Variants in SEPTIN11 observed in about 807,000 individuals in gnomAD.
SEPTIN11 encodes the protein septin-11.
A neutral mutation model predicts 51.4 loss-of-function variants in SEPTIN11; 25 were observed. That is an observed-to-expected ratio of 0.49 (90% confidence interval 0.35 to 0.68). The LOEUF is 0.68. Ranked by LOEUF, SEPTIN11 falls within the 30% of genes least tolerant of loss-of-function variation. The pLI, the probability that SEPTIN11 is intolerant of heterozygous loss-of-function variation, is 0.00. For synonymous variants in SEPTIN11, 174 were observed against 184.1 expected (o/e 0.95, Z 0.44); for missense variants, 381 against 520.8 (o/e 0.73, Z 2.61).
In SEPTIN11 at chr4:77,037,714, T is replaced by C; in HGVS notation, c.*3202T>C. 1.0e-6 allele frequency: 1 copy of C among 985,804 alleles called. No homozygotes were observed. The highest frequency in any genetic ancestry group is 1.2e-6 in the Non-Finnish European group (1 of 829,878). The allele number at this position is 985,804 out of a possible 1,614,324, so 61.1% of individuals were successfully genotyped here. A position where few individuals can be genotyped will look rare whatever the true frequency, so the allele number is the denominator to read the frequency against. ...GAACTTTAGATCTCCATAACACATG[T>C]ACTGTAGAATGTGATGGAAAAGCAT... On this transcript the variant is annotated 3_prime_UTR_variant, in exon 10 of 10. Coordinates refer to ENST00000264893, the MANE Select transcript of SEPTIN11 (RefSeq NM_018243.4).
intron 1 of SEPTIN11, among the ~76,000 whole-genome samples, chr4:76,978,127 C>T (rs941912609): frequency 4.6e-5 from 7 of 152,134 alleles, no homozygotes; most frequent in African/African-American, 1.7e-4. Context: ...AGAGTGATTG[C>T]TGTAGGCTGC....
chr4:76,976,752 A>G (rs1312598388), intron 1 of SEPTIN11, among the ~76,000 whole-genome samples: 1 of 152,212 alleles, frequency 6.6e-6, no homozygotes, highest in Non-Finnish European at 1.5e-5. Context: ...AGGCTCTGGC[A>G]GCCTTTAATC....
chr4:76,972,955 A>C (rs956022693), intron 1 of SEPTIN11: 1 of 152,214 alleles, frequency 6.6e-6, no homozygotes, highest in African/African-American at 2.4e-5. Flanking sequence ...CCCAAAGTCC[A>C]CAGCTGGCAA....
At chr4:77,033,449 C>T (rs374665616) in intron 9 of SEPTIN11, among the ~76,000 whole-genome samples, 16 of 152,268 alleles carry the variant, frequency 1.1e-4, no homozygotes, top group Admixed American at 2.6e-4. Context: ...TCTAATGACA[C>T]GCTCCTTTTT....
At chr4:77,028,175 G>A (rs578169676) in intron 7 of SEPTIN11, among the ~76,000 whole-genome samples, 2 of 152,180 alleles carry the variant, frequency 1.3e-5, no homozygotes, top group Non-Finnish European at 1.5e-5. Flanking sequence ...CTGTATCCAC[G>A]TCTTAGACCT....
At chr4:76,999,577 GA>G (rs1214172307) in intron 2 of SEPTIN11, among the ~76,000 whole-genome samples, 1 of 152,140 alleles carries the variant, frequency 6.6e-6, no homozygotes, top group Admixed American at 6.5e-5. Flanking sequence ...TCCCGGTAAG[GA>G]AAATTTTTAC....
At chr4:77,014,115 A>T (rs28681642) in intron 4 of SEPTIN11, among the ~76,000 whole-genome samples, 1,708 of 152,210 alleles carry the variant, frequency 0.011, 33 homozygotes, top group African/African-American at 0.038. Flanking sequence ...TTTGTAACTG[A>T]TGCTGTGAAA....
At chr4:77,000,708 A>G (rs745810408) in intron 2 of SEPTIN11, among the ~76,000 whole-genome samples, 8 of 152,172 alleles carry the variant, frequency 5.3e-5, no homozygotes, top group Non-Finnish European at 7.3e-5. Context: ...TTCAGAAAAG[A>G]GATTTGGTGT....
chr4:76,981,165 G>A (rs139629549), intron 1 of SEPTIN11, among the ~76,000 whole-genome samples: 4 of 152,204 alleles, frequency 2.6e-5, no homozygotes, highest in Non-Finnish European at 5.9e-5. Flanking sequence ...GAGAGCTGAT[G>A]GGATTTATAA....
At chr4:76,977,496 G>A (rs943426905) in intron 1 of SEPTIN11, among the ~76,000 whole-genome samples, 8 of 152,174 alleles carry the variant, frequency 5.3e-5, no homozygotes, top group Non-Finnish European at 1.0e-4. Flanking sequence ...GCCTAGCTCA[G>A]GGTAGGCTTT....
chr4:76,952,649 G>A (rs906973480), intron 1 of SEPTIN11, among the ~76,000 whole-genome samples: 1 of 152,168 alleles, frequency 6.6e-6, no homozygotes, highest in African/African-American at 2.4e-5. Context: ...GTTGTTGACT[G>A]CAAAACAAAG....
intron 5 of SEPTIN11, among the ~76,000 whole-genome samples, chr4:77,018,065 A>G (rs1157741063): frequency 1.3e-5 from 2 of 152,242 alleles, no homozygotes; most frequent in East Asian, 3.8e-4. Flanking sequence ...AAAAAGTAAA[A>G]AGAAATGTGA....
intron 4 of SEPTIN11, 30 bp from the exon 5 acceptor site, chr4:77,014,826 T>C (rs1475477556): frequency 3.7e-6 from 6 of 1,606,370 alleles, no homozygotes; most frequent in Middle Eastern, 1.7e-4. Flanking sequence ...ATGTTGGAAT[T>C]GTGTAAAAAT....
At chr4:76,996,313 CT>C in intron 1 of SEPTIN11, 111 bp from the exon 2 acceptor site, 5 of 828,804 alleles carry the variant, frequency 6.0e-6, no homozygotes, top group South Asian at 1.7e-5. Flanking sequence ...GGAGGGTCTC[CT>C]TTTTCCATGT....
chr4:77,034,182 TTG>T (rs1236085859), intron 9 of SEPTIN11, among the ~76,000 whole-genome samples: 2 of 152,218 alleles, frequency 1.3e-5, no homozygotes, highest in Non-Finnish European at 2.9e-5. Flanking sequence ...GATAATGGTT[TTG>T]TGTTATTTGA....
At chr4:77,008,438 ATT>A (rs1303594219) in intron 3 of SEPTIN11, among the ~76,000 whole-genome samples, 1 of 152,208 alleles carries the variant, frequency 6.6e-6, no homozygotes, top group East Asian at 1.9e-4. Context: ...TGGCCTTTAA[ATT>A]TTAAGTTTTT....
At chr4:76,974,217 A>G (rs1190024889) in intron 1 of SEPTIN11, among the ~76,000 whole-genome samples, 1 of 152,166 alleles carries the variant, frequency 6.6e-6, no homozygotes, top group African/African-American at 2.4e-5. Context: ...AAAACATCCC[A>G]GATGTCCCGT....
rs1391821429 is a variant in SEPTIN11 at position 77,034,707 on chromosome 4, G to A, written c.*195G>A. 3.8e-6 allele frequency: 5 copies of A among 1,307,364 alleles called. No individual in the cohort carries two copies. Among genetic ancestry groups the A allele is most frequent in the East Asian group, 3.2e-5 (1 of 31,394 alleles). 81.0% of individuals were successfully genotyped at this position (1,307,364 alleles called of 1,614,324 possible). On this transcript the variant is annotated 3_prime_UTR_variant, in exon 10 of 10. Coordinates refer to ENST00000264893, the MANE Select transcript of SEPTIN11 (RefSeq NM_018243.4). ...AATGATAGAACAAGGGAATAACCGC[G>A]AATGCTCTGTGCAGCTGGACTCTGT...
At chr4:76,969,258 G>T (rs777044472) in intron 1 of SEPTIN11, among the ~76,000 whole-genome samples, 9 of 152,118 alleles carry the variant, frequency 5.9e-5, no homozygotes, top group South Asian at 2.1e-4. Flanking sequence ...TGAACACATT[G>T]TCTTGTTGTA....
Sources: gnomAD v4.1 joint callset for allele counts (sites outside exome capture counted in the v4.1 genomes callset) on GRCh38, gnomAD v4.1.1 for gene constraint, MANE v1.5 for transcripts, NCBI Gene and HGNC (gene_info 2026-07-23, HGNC 2026-07-21) for gene names.